PHACTR1: variants seen among roughly 807,000 people sequenced by gnomAD.
The protein encoded by PHACTR1 is phosphatase and actin regulator 1, also known as RPEL repeat containing 1.
Under a neutral mutation model 69.2 loss-of-function variants are expected in PHACTR1, and 16 were observed. That is an observed-to-expected ratio of 0.23 (90% CI 0.16 to 0.35). The LOEUF (loss-of-function observed/expected upper bound fraction) is 0.35. Ranked by LOEUF, PHACTR1 falls within the 10% of genes least tolerant of loss-of-function variation. PHACTR1 has a pLI of 1.00. For synonymous variants in PHACTR1, 312 were observed against 284.5 expected (o/e 1.10, Z -0.97); for missense variants, 510 against 734.7 (o/e 0.69, Z 3.54).
intron 3 of PHACTR1, among the ~76,000 whole-genome samples, chr6:12,726,194 A>G (rs976064705): frequency 1.3e-5 from 2 of 152,198 alleles, no homozygotes; most frequent in Non-Finnish European, 2.9e-5. Context: ...AAAAAAATCA[A>G]TCTTTTAAAA....
chr6:13,140,035 A>G (rs1390526415), intron 5 of PHACTR1, among the ~76,000 whole-genome samples: 5 of 152,228 alleles, frequency 3.3e-5, no homozygotes, highest in Non-Finnish European at 7.3e-5. Context: ...AGCCAAATAT[A>G]TGTAATGTTA....
chr6:12,886,134 T>C (rs1277888685), intron 4 of PHACTR1, among the ~76,000 whole-genome samples: 1 of 152,024 alleles, frequency 6.6e-6, no homozygotes, highest in Non-Finnish European at 1.5e-5. Context: ...CAAAAAACCC[T>C]GTCCAAGGAA....
At chr6:13,220,075 G>A (rs1338923334) in intron 8 of PHACTR1, among the ~76,000 whole-genome samples, 1 of 152,184 alleles carries the variant, frequency 6.6e-6, no homozygotes, top group East Asian at 1.9e-4. Flanking sequence ...TAAATGAGAT[G>A]ATGAACATTT....
chr6:13,128,985 C>T (rs747377998), intron 5 of PHACTR1, among the ~76,000 whole-genome samples: 26 of 152,102 alleles, frequency 1.7e-4, no homozygotes, highest in Non-Finnish European at 2.8e-4. Context: ...CATTAGGGAT[C>T]GGGGTCCCAT....
At chr6:13,069,356 C>T (rs1458630526) in intron 5 of PHACTR1, among the ~76,000 whole-genome samples, 1 of 152,048 alleles carries the variant, frequency 6.6e-6, no homozygotes, top group Non-Finnish European at 1.5e-5. Flanking sequence ...TTTTCTATTC[C>T]TTTAACACTT....
chr6:13,120,997 G>C (rs576893916), intron 5 of PHACTR1, among the ~76,000 whole-genome samples: 1 of 152,278 alleles, frequency 6.6e-6, no homozygotes, highest in African/African-American at 2.4e-5. Context: ...GGTCTGCCGG[G>C]CATTCAGACA....
At chr6:13,079,173 G>A (rs60885957) in intron 5 of PHACTR1, among the ~76,000 whole-genome samples, 2,341 of 152,182 alleles carry the variant, frequency 0.015, 71 homozygotes, top group African/African-American at 0.053. Flanking sequence ...TCATGATCAC[G>A]GCTCTTCCTC....
chr6:13,250,191 G>A (rs1209097032), intron 10 of PHACTR1, among the ~76,000 whole-genome samples: 1 of 152,174 alleles, frequency 6.6e-6, no homozygotes, highest in Non-Finnish European at 1.5e-5. Flanking sequence ...AGACATTTAA[G>A]GACCTAGACT....
intron 4 of PHACTR1, among the ~76,000 whole-genome samples, chr6:12,881,286 C>CCT (rs1302934814): frequency 2.0e-5 from 3 of 152,100 alleles, no homozygotes; most frequent in African/African-American, 7.2e-5. Flanking sequence ...AAGTTTCCAG[C>CCT]CTAACTGGCA....
chr6:12,841,314 T>C (rs1205834219), intron 4 of PHACTR1, among the ~76,000 whole-genome samples: 2 of 152,240 alleles, frequency 1.3e-5, no homozygotes, highest in Non-Finnish European at 2.9e-5. Flanking sequence ...TGTTGTTTGC[T>C]GTGCAGAATC....
chr6:13,287,354 ACTGT>A lies in PHACTR1; in HGVS notation c.*280_*283del, dbSNP rs754206184. 8.1e-6 allele frequency: 4 copies of A among 490,860 alleles called. No individual in the cohort carries two copies. The highest frequency in any genetic ancestry group is 1.4e-5 in the Non-Finnish European group (4 of 276,344). The allele number at this position is 490,860 out of a possible 1,614,324, so 30.4% of individuals were successfully genotyped here. The stretch of plus-strand genomic sequence containing the variant: ...GGCACCAGCAGGGCCCTGACTGAAG[ACTGT>A]CTGGCAGGTGGAACGGTCCTTGTCC... On this transcript the variant is annotated 3_prime_UTR_variant, in exon 15 of 15. Coordinates refer to ENST00000332995, the MANE Select transcript of PHACTR1 (RefSeq NM_030948.6).
Position 13,007,088 on chromosome 6 carries a change from A to G in PHACTR1, c.251-46277A>G, listed in dbSNP as rs149723371. ...AACAATATATTGTGGAAATCCTTCC[A>G]GGTCCTCTTATTTAGGTCTGACTCA... On this transcript the variant is annotated intron_variant, in intron 4 of 14. Coordinates refer to ENST00000332995, the MANE Select transcript of PHACTR1 (RefSeq NM_030948.6). Among the ~76,000 whole-genome samples, 1,169 of 152,344 alleles carry G rather than the reference A, an allele frequency of 7.7e-3. 16 individuals carry two copies. Among genetic ancestry groups the G allele is most frequent in the African/African-American group, 0.027 (1,132 of 41,580 alleles).
At chr6:12,779,377 T>C (rs1449902770) in intron 4 of PHACTR1, among the ~76,000 whole-genome samples, 5 of 152,138 alleles carry the variant, frequency 3.3e-5, no homozygotes, top group African/African-American at 9.7e-5. Context: ...TCTTTTTTCA[T>C]TTAATTTTTC....
At chr6:12,980,822 T>C (rs1489358918) in intron 4 of PHACTR1, among the ~76,000 whole-genome samples, 1 of 152,226 alleles carries the variant, frequency 6.6e-6, no homozygotes, top group African/African-American at 2.4e-5. Context: ...AGTCTCTCCT[T>C]AGTCATATTT....
rs755095359 is a variant in PHACTR1, at chr6:13,281,008, A to G, written c.1510-2414A>G. 7 of 1,289,652 alleles carry G rather than the reference A, an allele frequency of 5.4e-6. No individual in the cohort carries two copies. In the South Asian group the frequency reaches 8.6e-5, roughly 16 times the overall value. The allele number at this position is 1,289,652 out of a possible 1,614,324, so 79.9% of individuals were successfully genotyped here. ...ACTGTGACTCTGAGAGGCAGCAGCC[A>G]GCTGCATCCTCGCTCATTCCCTCTG... is the stretch of plus-strand genomic sequence containing the variant. On this transcript the variant is annotated intron_variant, in intron 12 of 14. Coordinates refer to ENST00000332995, the MANE Select transcript of PHACTR1 (RefSeq NM_030948.6).
intron 4 of PHACTR1, among the ~76,000 whole-genome samples, chr6:13,025,250 G>A (rs183581319): frequency 3.3e-5 from 5 of 152,080 alleles, no homozygotes; most frequent in South Asian, 2.1e-4. Flanking sequence ...GCAACACTCC[G>A]TCTCAAAAAC....
intron 4 of PHACTR1, among the ~76,000 whole-genome samples, chr6:12,857,642 T>C (rs1298558621): frequency 4.0e-5 from 6 of 151,864 alleles, no homozygotes; most frequent in African/African-American, 1.5e-4. Flanking sequence ...ATAGCACTCA[T>C]TGGTGATGAA....
chr6:13,250,550 T>C (rs1015600388), intron 10 of PHACTR1, among the ~76,000 whole-genome samples: 4 of 152,224 alleles, frequency 2.6e-5, no homozygotes, highest in Admixed American at 2.0e-4. Flanking sequence ...AAGAAGGGGC[T>C]GGCTGTGCAG....
At chr6:12,963,596 A>G (rs1274078296) in intron 4 of PHACTR1, among the ~76,000 whole-genome samples, 3 of 152,116 alleles carry the variant, frequency 2.0e-5, no homozygotes, top group African/African-American at 7.2e-5. Context: ...CCCAAGAAGG[A>G]TTTGTTCCCT....
Sources: gnomAD v4.1 joint callset for allele counts (sites outside exome capture counted in the v4.1 genomes callset) on GRCh38, gnomAD v4.1.1 for gene constraint, MANE v1.5 for transcripts, NCBI Gene and HGNC (gene_info 2026-07-23, HGNC 2026-07-21) for gene names.